The following PCDH15 variants were observed in gnomAD, a reference collection of about 807,000 sequenced individuals.
PCDH15 encodes protocadherin related 15, also known as protocadherin-15.
Under a neutral mutation model 178.5 loss-of-function variants are expected in PCDH15, and 129 were observed. The ratio of observed to expected loss-of-function variants is 0.72; its 90% CI spans 0.63 to 0.84. The LOEUF is 0.84. PCDH15 is among the 40% of genes least tolerant of loss of function. The pLI, the probability that PCDH15 is intolerant of heterozygous loss-of-function variation, is 0.00. For missense variants in PCDH15, 2,230 were observed against 2,099.9 expected (o/e 1.06, Z -1.21); for synonymous variants, 800 against 732.0 (o/e 1.09, Z -1.50).
intron 2 of PCDH15, among the ~76,000 whole-genome samples, chr10:55,326,053 G>A (rs1314636544): frequency 6.6e-6 from 1 of 152,074 alleles, no homozygotes; most frequent in Non-Finnish European, 1.5e-5. Context: ...CATCTCACAT[G>A]AGTCAGTATA....
chr10:54,489,431 G>A (rs1565405057), intron 3 of PCDH15, among the ~76,000 whole-genome samples: 1 of 152,114 alleles, frequency 6.6e-6, no homozygotes, highest in Non-Finnish European at 1.5e-5. Context: ...GAGTAATGCT[G>A]AAAATAATTA....
At chr10:54,094,965 T>C (rs2094673571) in intron 15 of PCDH15, among the ~76,000 whole-genome samples, 1 of 152,118 alleles carries the variant, frequency 6.6e-6, no homozygotes, top group Non-Finnish European at 1.5e-5. Context: ...AGAAAACAAA[T>C]TTTCTCTAAA....
At chr10:55,354,097 G>C (rs1300892211) in intron 2 of PCDH15, among the ~76,000 whole-genome samples, 1 of 152,016 alleles carries the variant, frequency 6.6e-6, no homozygotes, top group African/African-American at 2.4e-5. Flanking sequence ...TAGAGTTGGA[G>C]CCACATAGTG....
chr10:53,971,206 A>C (rs1005127686), intron 21 of PCDH15, among the ~76,000 whole-genome samples: 4 of 152,198 alleles, frequency 2.6e-5, no homozygotes, highest in Non-Finnish European at 5.9e-5. Context: ...ATCTCAATAG[A>C]TGCAGAAAAG....
intron 2 of PCDH15, among the ~76,000 whole-genome samples, chr10:54,610,026 A>G (rs1259292244): frequency 1.3e-5 from 2 of 152,016 alleles, no homozygotes; most frequent in Non-Finnish European, 2.9e-5. Context: ...TTTCATGGGT[A>G]AAATAGCCAT....
chr10:53,898,857 T>C (rs1302599257), intron 26 of PCDH15, among the ~76,000 whole-genome samples: 3 of 152,124 alleles, frequency 2.0e-5, no homozygotes, highest in Non-Finnish European at 4.4e-5. Flanking sequence ...TCCCCAAAAA[T>C]AATACCTAAA....
chr10:54,032,208 C>T lies in PCDH15; in HGVS notation c.2221-9011G>A, dbSNP rs55730359. Among the ~76,000 whole-genome samples the T allele has an allele frequency of 2.9e-3, 439 of 151,796 alleles. 1 individual carries two copies. Among genetic ancestry groups the T allele is most frequent in the African/African-American group, 0.01 (428 of 41,454 alleles). On this transcript the variant is annotated intron_variant, in intron 18 of 37. Coordinates refer to ENST00000644397, the MANE Select transcript of PCDH15 (RefSeq NM_001384140.1). Reference sequence around the variant, plus strand: ...TGCTTTATCCAGTCATAAAATCTTCCCCTTATTTCCAAAACTGATTATTCT... The same window carrying T: ...TGCTTTATCCAGTCATAAAATCTTCTCCTTATTTCCAAAACTGATTATTCT...
intron 25 of PCDH15, among the ~76,000 whole-genome samples, chr10:53,923,120 T>C (rs2084150891): frequency 6.6e-6 from 1 of 151,952 alleles, no homozygotes; most frequent in Non-Finnish European, 1.5e-5. Flanking sequence ...AAAACACAAA[T>C]ATAGCAATCT....
intron 26 of PCDH15, among the ~76,000 whole-genome samples, chr10:53,870,539 A>T (rs920967999): frequency 2.0e-5 from 3 of 152,194 alleles, no homozygotes; most frequent in Non-Finnish European, 2.9e-5. Context: ...GATTGCCAGG[A>T]TCATTAGCAT....
rs531015188 is a variant in PCDH15, at chr10:54,256,542, T to C, written c.877-19611A>G. 7.2e-5 allele frequency among the ~76,000 whole-genome samples: 11 copies of C among 152,268 alleles called. No individual in the cohort carries two copies. In the South Asian group the frequency reaches 1.2e-3, roughly 17 times the overall value. On this transcript the variant is annotated intron_variant, in intron 8 of 37. Coordinates refer to ENST00000644397, the MANE Select transcript of PCDH15 (RefSeq NM_001384140.1). ...CAAAAGCTTCAAGTAATAAGTAATA[T>C]AGATTGAATCAGAATCTGACTTTGA...
chr10:55,490,684 T>G (rs1840391648), intron 2 of PCDH15, among the ~76,000 whole-genome samples: 1 of 151,758 alleles, frequency 6.6e-6, no homozygotes, highest in African/African-American at 2.4e-5. Flanking sequence ...CTATGTCTAA[T>G]TCTATTGTCT....
chr10:55,209,006 C>A (rs1041563863), intron 1 of PCDH15, among the ~76,000 whole-genome samples: 3 of 151,986 alleles, frequency 2.0e-5, no homozygotes, highest in Non-Finnish European at 2.9e-5. Flanking sequence ...CCATTTATAA[C>A]ACAAATATCT....
intron 25 of PCDH15, among the ~76,000 whole-genome samples, chr10:53,904,429 T>C (rs982226149): frequency 6.6e-6 from 1 of 151,778 alleles, no homozygotes; most frequent in African/African-American, 2.4e-5. Flanking sequence ...AATAAATTAA[T>C]GAATGAATAG....
At chr10:55,385,238 T>A (rs938926084) in intron 2 of PCDH15, among the ~76,000 whole-genome samples, 16 of 152,112 alleles carry the variant, frequency 1.1e-4, no homozygotes, top group Non-Finnish European at 2.1e-4. Flanking sequence ...ACTCTAGAAT[T>A]GCAGAGGCAT....
intron 2 of PCDH15, among the ~76,000 whole-genome samples, chr10:55,123,738 T>C (rs1425049291): frequency 6.6e-6 from 1 of 152,176 alleles, no homozygotes; most frequent in African/African-American, 2.4e-5. Context: ...TATGGAACTA[T>C]ATGAAGTGTG....
chr10:54,745,546 T>C (rs1345913959), intron 1 of PCDH15, among the ~76,000 whole-genome samples: 1 of 152,222 alleles, frequency 6.6e-6, no homozygotes, highest in Non-Finnish European at 1.5e-5. Context: ...ATAGCAAATC[T>C]GACAGTGAAC....
Position 55,589,077 on chromosome 10 carries a change from G to A in PCDH15, c.-156+38548C>T, listed in dbSNP as rs538529433. ...GCCTGGGCAGCAAGAGCAAAATTCC[G>A]TGTCAAAAAAAAAAAAAAAAAAAAG... On this transcript the variant is annotated intron_variant, in intron 2 of 5. Coordinates refer to the PCDH15 transcript ENST00000613346. Among the ~76,000 whole-genome samples the A allele has an allele frequency of 2.5e-3, 294 of 117,702 alleles. 2 individuals are homozygous for A. Among genetic ancestry groups the A allele is most frequent in the African/African-American group, 8.5e-3 (263 of 31,036 alleles). The allele number at this position is 117,702 out of a possible 152,430, so 77.2% of individuals were successfully genotyped here. A position where few individuals can be genotyped will look rare whatever the true frequency, so the allele number is the denominator to read the frequency against.
chr10:54,178,634 G>T (rs942085023), intron 13 of PCDH15, among the ~76,000 whole-genome samples: 1 of 152,028 alleles, frequency 6.6e-6, no homozygotes, highest in African/African-American at 2.4e-5. Flanking sequence ...AAGAAGTGGG[G>T]TGAGGATCAG....
chr10:55,605,156 T>A lies in PCDH15; in HGVS notation c.-156+22469A>T, dbSNP rs902904066. The stretch of plus-strand genomic sequence containing the variant: ...AACTAGAAAATCTACAAGAAATGGA[T>A]AAATTCCTCGACACATACACTCTCC... On this transcript the variant is annotated intron_variant, in intron 2 of 5. Transcript: ENST00000613346. Among the ~76,000 whole-genome samples the A allele has an allele frequency of 1.1e-3, 162 of 151,366 alleles. 1 individual carries two copies. Among genetic ancestry groups the A allele is most frequent in the Non-Finnish European group, 1.8e-3 (123 of 67,576 alleles).
Sources: gnomAD v4.1 joint callset for allele counts (sites outside exome capture counted in the v4.1 genomes callset) on GRCh38, gnomAD v4.1.1 for gene constraint, MANE v1.5 for transcripts, NCBI Gene and HGNC (gene_info 2026-07-23, HGNC 2026-07-21) for gene names.